The following TTC7B variants were observed in gnomAD, a reference collection of about 807,000 sequenced individuals.
TTC7B encodes tetratricopeptide repeat domain 7B.
In TTC7B, 28 loss-of-function variants were observed where a neutral mutation model predicts 106.8. The observed-to-expected ratio is 0.26, with a 90% CI of 0.19 to 0.36. TTC7B has a LOEUF of 0.36. Ranked by LOEUF, TTC7B falls within the 10% of genes least tolerant of loss-of-function variation. The pLI is 1.00. For missense variants in TTC7B, 862 were observed against 1,076.4 expected, an observed-to-expected ratio of 0.80 and a Z score of 2.79; for synonymous variants, 405 against 430.6, an observed-to-expected ratio of 0.94 and a Z score of 0.74.
Position 90,744,798 on chromosome 14 carries a change from T to C in TTC7B, c.570A>G (p.Ile190Met). 3 of 1,613,310 alleles carry C rather than the reference T, an allele frequency of 1.9e-6. No individual in the cohort carries two copies. The highest frequency in any genetic ancestry group is 2.5e-6 in the Non-Finnish European group (3 of 1,179,842). The part of the protein sequence containing the change: ...GDIALLYLQE[I>M]ERVILSNIQN... ...ACACGTGGTCCTCACTTACCCTTTCTATCTCTTGGAGATACAGGAGTGCGA... is the reference window on the plus strand; with the variant it reads ...ACACGTGGTCCTCACTTACCCTTTCCATCTCTTGGAGATACAGGAGTGCGA... Residue 190 changes from isoleucine (I) to methionine (M), a missense_variant, in exon 4 of 20, where the codon ATA becomes ATG. Physicochemically the swap from Ile to Met is conservative, Grantham distance 10. Coordinates refer to ENST00000328459, the MANE Select transcript of TTC7B (RefSeq NM_001010854.2).
intron 19 of TTC7B, among the ~76,000 whole-genome samples, chr14:90,565,645 C>T (rs1390664730): frequency 6.6e-6 from 1 of 152,064 alleles, no homozygotes; most frequent in African/African-American, 2.4e-5. Flanking sequence ...CGTGATCTGC[C>T]CGCCTCGGCC....
chr14:90,622,941 G>C (rs73326833), intron 15 of TTC7B, among the ~76,000 whole-genome samples: 1 of 151,890 alleles, frequency 6.6e-6, no homozygotes, highest in East Asian at 1.9e-4. Context: ...CATCACCTAC[G>C]CCCCCACTCG....
chr14:90,677,898 C>A (rs1886904235), intron 8 of TTC7B: 15 of 437,924 alleles, frequency 3.4e-5, no homozygotes, highest in South Asian at 2.3e-4. Context: ...CAAAGTGAGT[C>A]ATCTCTTACG....
intron 1 of TTC7B, among the ~76,000 whole-genome samples, chr14:90,798,159 G>A (rs556138173): frequency 1.3e-5 from 2 of 152,278 alleles, no homozygotes; most frequent in Admixed American, 6.5e-5. Flanking sequence ...CCAACCTGCT[G>A]AACGATAAAA....
At chr14:90,686,803 G>A (rs1048968531) in intron 7 of TTC7B, among the ~76,000 whole-genome samples, 1 of 152,104 alleles carries the variant, frequency 6.6e-6, no homozygotes, top group Non-Finnish European at 1.5e-5. Flanking sequence ...AGGAATAAGC[G>A]TAACAAAAGA....
chr14:90,767,041 A>G lies in TTC7B; in HGVS notation c.445+13697T>C, dbSNP rs968495989. On this transcript the variant is annotated intron_variant, in intron 3 of 19. Transcript: ENST00000328459. ...TAGTTTATATACCAAAAAAAAAAAA[A>G]AAAAGAAAGAAAGGAAGAAAAGAAA... is the stretch of plus-strand genomic sequence containing the variant. The G allele has an allele frequency of 1.3e-4, 112 of 830,560 alleles. 2 individuals are homozygous for G. Among genetic ancestry groups the G allele is most frequent in the Admixed American group, 1.2e-3 (40 of 34,490 alleles). 51.4% of individuals were successfully genotyped at this position (830,560 alleles called of 1,614,324 possible).
At chr14:90,701,848 C>G (rs1334723490) in intron 5 of TTC7B, among the ~76,000 whole-genome samples, 1 of 149,140 alleles carries the variant, frequency 6.7e-6, no homozygotes, top group Non-Finnish European at 1.5e-5. Flanking sequence ...AACACTCATA[C>G]CTACTATGCA....
At position 90,524,781 on chromosome 14, in the gene TTC7B, C is replaced by T. The variant is rs1889107540; in HGVS notation, c.*16587G>A. On this transcript the variant is annotated 3_prime_UTR_variant, in exon 20 of 20. Transcript: ENST00000328459. ...AAACAGGGCTCACCTCGGTCTCCTCCTAAGCCTGGAGCTCTCAGGTGGTGC... is the reference window on the plus strand; with the variant it reads ...AAACAGGGCTCACCTCGGTCTCCTCTTAAGCCTGGAGCTCTCAGGTGGTGC... The T allele has an allele frequency of 6.6e-6, 1 of 152,166 alleles. No homozygotes were observed. Among genetic ancestry groups the T allele is most frequent in the Non-Finnish European group, 1.5e-5 (1 of 68,028 alleles). 9.4% of individuals were successfully genotyped at this position (152,166 alleles called of 1,614,324 possible).
intron 2 of TTC7B, among the ~76,000 whole-genome samples, chr14:90,783,447 A>C (rs1431274683): frequency 6.6e-6 from 1 of 152,252 alleles, no homozygotes; most frequent in East Asian, 1.9e-4. Context: ...AGGTAGAACT[A>C]ATAACATAGC....
chr14:90,541,373 G>A lies in TTC7B; in HGVS notation c.2527C>T (p.Leu843Phe). 2 of 1,600,794 alleles carry A rather than the reference G, an allele frequency of 1.2e-6. No homozygotes were observed. The highest frequency in any genetic ancestry group is 1.7e-6 in the Non-Finnish European group (2 of 1,174,294). Residue 843 changes from leucine (L) to phenylalanine (F), a missense_variant, in exon 20 of 20, where the codon CTC becomes TTC. Leu to Phe is a conservative substitution (Grantham distance 22). Transcript: ENST00000328459. ...AVPFTIIPRVL is the reference protein window; with the variant it reads ...AVPFTIIPRVF ...TGAGGCTGGCAGGCGCCTGCTCAGA[G>A]CACGCGGGGGATGATGGTGAAGGGC... is the stretch of plus-strand genomic sequence containing the variant.
rs553447108 is a variant in TTC7B at position 90,749,625 on chromosome 14, G to A, written c.446-4703C>T. Among the ~76,000 whole-genome samples, 122 of 151,988 alleles carry A rather than the reference G, an allele frequency of 8.0e-4. 2 individuals are homozygous for A. The South Asian group carries it at 0.024, about 30-fold the overall frequency. ...TCTCCATGTTGGTCAGGCTGGTCTC[G>A]AACTCCTGACCTCAGGCAATCCACC... On this transcript the variant is annotated intron_variant, in intron 3 of 19. Coordinates refer to ENST00000328459, the MANE Select transcript of TTC7B (RefSeq NM_001010854.2).
chr14:90,595,736 T>C (rs1346759502), intron 17 of TTC7B, among the ~76,000 whole-genome samples: 1 of 152,238 alleles, frequency 6.6e-6, no homozygotes, highest in African/African-American at 2.4e-5. Context: ...TAAAAAATCA[T>C]GATGTTATAG....
Position 90,646,977 on chromosome 14 carries a change from C to A in TTC7B, c.1564G>T (p.Ala522Ser). Residue 522 changes from alanine (A) to serine (S), a missense_variant, in exon 14 of 20, where the codon GCT becomes TCT. Transcript: ENST00000328459. ...TGTCTGGAGATGGCAAGCTGCAGAG[C>A]CAGGTAGAAAGCTGCTTGGTGATCT... ...PTDHQAAFYL[A>S]LQLAISRQIP... 6.2e-7 allele frequency: 1 copy of A among 1,614,126 alleles called. No homozygotes were observed. Among genetic ancestry groups the A allele is most frequent in the Non-Finnish European group, 8.5e-7 (1 of 1,180,020 alleles).
At chr14:90,616,819 C>T (rs1893099878) in intron 16 of TTC7B, among the ~76,000 whole-genome samples, 1 of 152,208 alleles carries the variant, frequency 6.6e-6, no homozygotes, top group African/African-American at 2.4e-5. Flanking sequence ...GCCCGCCTCA[C>T]CCTTCGTACT....
intron 15 of TTC7B, among the ~76,000 whole-genome samples, chr14:90,636,952 C>G (rs1311943727): frequency 6.7e-6 from 1 of 149,844 alleles, no homozygotes; most frequent in African/African-American, 2.4e-5. Flanking sequence ...TGAATGAACA[C>G]CCAACTAAGA....
At chr14:90,601,936 G>A (rs1342757857) in intron 17 of TTC7B, 1 of 341,136 alleles carries the variant, frequency 2.9e-6, no homozygotes, top group Non-Finnish European at 5.8e-6. Flanking sequence ...GCCCTTGATG[G>A]TGAGAGGAAC....
chr14:90,593,768 C>G (rs73326810), intron 17 of TTC7B, 142 bp from the exon 18 acceptor site: 3 of 783,804 alleles, frequency 3.8e-6, no homozygotes, highest in Non-Finnish European at 5.5e-6. Context: ...CAGAGAAACG[C>G]GGGCAATCAC....
chr14:90,639,605 C>T (rs1885083861), intron 15 of TTC7B, among the ~76,000 whole-genome samples: 1 of 152,122 alleles, frequency 6.6e-6, no homozygotes, highest in African/African-American at 2.4e-5. Flanking sequence ...CTAATACAAC[C>T]CCTTTGAAAA....
chr14:90,586,497 TGACCTCAG>T (rs1818559791), intron 18 of TTC7B, among the ~76,000 whole-genome samples: 1 of 152,144 alleles, frequency 6.6e-6, no homozygotes, highest in Admixed American at 6.5e-5. Context: ...CTTGAACTCC[TGACCTCAG>T]GTGATTGACC....
Sources: allele counts gnomAD v4.1 joint callset (sites outside exome capture counted in the v4.1 genomes callset), GRCh38; gene constraint gnomAD v4.1.1; transcripts MANE v1.5; gene names NCBI Gene and HGNC (gene_info 2026-07-23, HGNC 2026-07-21).